The following TFDP2 variants were observed in gnomAD, a reference collection of about 807,000 sequenced individuals.
TFDP2 encodes the protein transcription factor Dp-2, also known as transcription factor Dp-2 (E2F dimerization partner 2).
TFDP2 carries 17 observed loss-of-function variants against 59.3 expected under a neutral mutation model. The ratio of observed to expected loss-of-function variants is 0.29; its 90% CI spans 0.20 to 0.43. TFDP2 has a LOEUF of 0.43. Ranked by LOEUF, TFDP2 falls within the 20% of genes least tolerant of loss-of-function variation. TFDP2 has a pLI of 1.00. For synonymous variants in TFDP2, 180 were observed against 194.7 expected, an observed-to-expected ratio of 0.92 and a Z score of 0.63; for missense variants, 391 against 528.8, an observed-to-expected ratio of 0.74 and a Z score of 2.56.
chr3:142,145,078 C>T (rs1306627224), intron 1 of TFDP2, among the ~76,000 whole-genome samples: 2 of 152,066 alleles, frequency 1.3e-5, no homozygotes, highest in African/African-American at 2.4e-5. Flanking sequence ...AATTCTCTTC[C>T]GATGGCTCAA....
At chr3:142,072,229 C>T (rs2060272309) in intron 3 of TFDP2, among the ~76,000 whole-genome samples, 1 of 152,220 alleles carries the variant, frequency 6.6e-6, no homozygotes, top group African/African-American at 2.4e-5. Flanking sequence ...AATCTTTACA[C>T]ATTCTATGAG....
intron 3 of TFDP2, among the ~76,000 whole-genome samples, chr3:142,035,301 G>A (rs1319697029): frequency 6.6e-6 from 1 of 152,124 alleles, no homozygotes; most frequent in Non-Finnish European, 1.5e-5. Context: ...CTTTAAGCAT[G>A]CCATACAAAA....
intron 9 of TFDP2, among the ~76,000 whole-genome samples, chr3:141,965,545 G>A (rs1394570934): frequency 7.0e-5 from 10 of 143,814 alleles, no homozygotes; most frequent in Non-Finnish European, 1.2e-4. Flanking sequence ...AGAAGGGAGG[G>A]GAAGGGGAAG....
intron 3 of TFDP2, among the ~76,000 whole-genome samples, chr3:142,060,436 T>C (rs180753446): frequency 2.0e-5 from 3 of 152,170 alleles, no homozygotes; most frequent in Non-Finnish European, 4.4e-5. Context: ...ACAGTAGAAT[T>C]TTTTCATTGT....
chr3:142,123,440 G>C (rs888219528), intron 1 of TFDP2, among the ~76,000 whole-genome samples: 4 of 151,930 alleles, frequency 2.6e-5, no homozygotes, highest in Admixed American at 6.6e-5. Context: ...AGCAATTTTT[G>C]TATTTTTATT....
At chr3:141,970,809 C>A (rs1010442183) in intron 8 of TFDP2, among the ~76,000 whole-genome samples, 1 of 152,194 alleles carries the variant, frequency 6.6e-6, no homozygotes, top group Non-Finnish European at 1.5e-5. Context: ...CGCCTGTAAT[C>A]CCAACACTTT....
intron 3 of TFDP2, among the ~76,000 whole-genome samples, chr3:142,012,015 C>CTTTTTTTTT (rs1248723479): frequency 7.2e-6 from 1 of 138,240 alleles, no homozygotes; most frequent in Admixed American, 7.3e-5. Context: ...TTCTTTCTTT[C>CTTTTTTTTT]TTTTTTTTTT....
intron 4 of TFDP2, among the ~76,000 whole-genome samples, chr3:141,997,176 G>A (rs1943347745): frequency 6.6e-6 from 1 of 152,120 alleles, no homozygotes; most frequent in Non-Finnish European, 1.5e-5. Flanking sequence ...AGTGGTAGGG[G>A]ATGCTCATAG....
Position 141,946,874 on chromosome 3 carries a change from A to C in TFDP2, c.*5639T>G, listed in dbSNP as rs1311257715. 2 of 152,188 alleles carry C rather than the reference A, an allele frequency of 1.3e-5. No homozygotes were observed. Among genetic ancestry groups the C allele is most frequent in the African/African-American group, 4.8e-5 (2 of 41,426 alleles). The allele number at this position is 152,188 out of a possible 1,614,324, so 9.4% of individuals were successfully genotyped here. A position where few individuals can be genotyped will look rare whatever the true frequency, so the allele number is the denominator to read the frequency against. On this transcript the variant is annotated 3_prime_UTR_variant, in exon 13 of 13. Transcript: ENST00000489671. ...GAAACCCTGTCTCTACTAAAAATAC[A>C]AAAATTAGCCAGGCGTGGTGGCACA... is the stretch of plus-strand genomic sequence containing the variant.
At chr3:142,111,267 AAAAATAC>A (rs2061649030) in intron 1 of TFDP2, among the ~76,000 whole-genome samples, 1 of 151,956 alleles carries the variant, frequency 6.6e-6, no homozygotes, top group Non-Finnish European at 1.5e-5. Flanking sequence ...CGTCTCTACT[AAAAATAC>A]AAAAATTAGC....
At chr3:142,040,406 G>A (rs540401093) in intron 3 of TFDP2, among the ~76,000 whole-genome samples, 14 of 152,038 alleles carry the variant, frequency 9.2e-5, no homozygotes, top group Non-Finnish European at 1.5e-4. Context: ...CCTGAGTAAC[G>A]TAGCAAAACA....
Position 141,978,656 on chromosome 3 carries a change from T to C in TFDP2, c.383A>G (p.Asn128Ser), listed in dbSNP as rs1171811987. The C allele has an allele frequency of 1.2e-6, 2 of 1,609,734 alleles. No individual in the cohort carries two copies. Among genetic ancestry groups the C allele is most frequent in the African/African-American group, 1.3e-5 (1 of 74,814 alleles). ...ESKRSKKGDK[N>S]GKGLRHFSMK... ...TGAAAAGTGTCTCAAGCCTTTCCCA[T>C]TTTTATCTCCTTTTTTGCTTCGTTT... is the stretch of plus-strand genomic sequence containing the variant. Residue 128 changes from asparagine to serine, a missense_variant, in exon 7 of 13, where the codon AAT becomes AGT. Around this residue, in one of 3 missense-constraint regions of TFDP2, gnomAD observed 162 missense variants for 206.8 expected, o/e 0.78. Transcript: ENST00000489671.
intron 6 of TFDP2, among the ~76,000 whole-genome samples, chr3:141,981,614 T>C (rs529647958): frequency 6.6e-6 from 1 of 152,312 alleles, no homozygotes; most frequent in Admixed American, 6.5e-5. Context: ...GACTACTTAT[T>C]TGAAATAATG....
At chr3:142,053,038 G>A (rs1213105916) in intron 3 of TFDP2, among the ~76,000 whole-genome samples, 1 of 152,112 alleles carries the variant, frequency 6.6e-6, no homozygotes, top group Admixed American at 6.5e-5. Flanking sequence ...TCGATCTCCT[G>A]GCCTCGTGAT....
intron 3 of TFDP2, among the ~76,000 whole-genome samples, chr3:142,089,181 A>C (rs1438691440): frequency 6.6e-6 from 1 of 151,830 alleles, no homozygotes. Flanking sequence ...AACATTCTAC[A>C]ATTTCTTTGT....
At chr3:142,033,177 T>C (rs1946520799) in intron 3 of TFDP2, among the ~76,000 whole-genome samples, 3 of 152,154 alleles carry the variant, frequency 2.0e-5, no homozygotes, top group African/African-American at 7.2e-5. Flanking sequence ...CCTGGGCGAC[T>C]GAGTGAGACT....
intron 2 of TFDP2, among the ~76,000 whole-genome samples, chr3:142,094,133 C>T (rs992751880): frequency 1.3e-5 from 2 of 151,956 alleles, no homozygotes; most frequent in Admixed American, 1.3e-4. Context: ...GGAAAAAAAA[C>T]CCTCAATTTT....
chr3:142,104,256 A>G (rs1408976581), intron 1 of TFDP2, among the ~76,000 whole-genome samples: 3 of 152,178 alleles, frequency 2.0e-5, no homozygotes, highest in South Asian at 4.1e-4. Context: ...TAGTGATATA[A>G]ATTTAAATGT....
chr3:142,012,962 C>A (rs1051042100), intron 3 of TFDP2, among the ~76,000 whole-genome samples: 2 of 151,972 alleles, frequency 1.3e-5, no homozygotes, highest in African/African-American at 4.8e-5. Context: ...CATGGTGAAA[C>A]CCCGTCTCTA....
Sources: allele counts gnomAD v4.1 joint callset (sites outside exome capture counted in the v4.1 genomes callset), GRCh38; gene constraint gnomAD v4.1.1; regional missense constraint gnomAD v4.1.1; transcripts MANE v1.5; gene names NCBI Gene and HGNC (gene_info 2026-07-23, HGNC 2026-07-21).